The following TBC1D17 variants were observed in gnomAD, a reference collection of about 807,000 sequenced individuals.
The protein encoded by TBC1D17 is TBC1 domain family member 17, also known as TBC1 domain family, member 17.
Under a neutral mutation model 78.8 loss-of-function variants are expected in TBC1D17, and 69 were observed. That is an observed-to-expected ratio of 0.88 (90% confidence interval 0.72 to 1.07). TBC1D17 has a LOEUF of 1.07. Ranked by LOEUF, TBC1D17 falls within the 50% of genes least tolerant of loss-of-function variation. TBC1D17 has a pLI of 0.00. For synonymous variants in TBC1D17, 456 were observed against 358.3 expected (o/e 1.27, Z -3.08); for missense variants, 957 against 861.0 (o/e 1.11, Z -1.39).
chr19:49,881,572 T>G (rs1046077295), intron 5 of TBC1D17, 97 bp downstream of exon 5: 3 of 1,210,160 alleles, frequency 2.5e-6, no homozygotes, highest in Non-Finnish European at 2.3e-6. Flanking sequence ...CAACTCACAC[T>G]GATTTAAAGG....
At chr19:49,877,879 G>T in intron 1 of TBC1D17, 135 bp downstream of exon 1, 2 of 1,128,848 alleles carry the variant, frequency 1.8e-6, no homozygotes, top group Non-Finnish European at 1.2e-6. Flanking sequence ...TAAACGCGCC[G>T]TCACCCTCCC....
intron 9 of TBC1D17, 144 bp from the exon 10 acceptor site, chr19:49,883,507 C>T: frequency 1.5e-6 from 1 of 650,576 alleles, no homozygotes. Context: ...GGGATAGTGG[C>T]AAGAATGACG....
intron 4 of TBC1D17, among the ~76,000 whole-genome samples, chr19:49,880,632 C>G (rs1337397138): frequency 2.6e-5 from 4 of 152,216 alleles, no homozygotes; most frequent in African/African-American, 9.6e-5. Flanking sequence ...ACTGGGCTCC[C>G]GGATTGGCTG....
chr19:49,877,965 T>C, intron 1 of TBC1D17, 178 bp from the exon 2 acceptor site: 1 of 669,306 alleles, frequency 1.5e-6, no homozygotes, highest in South Asian at 2.0e-5. Flanking sequence ...CTGCCCCCTG[T>C]GGAACGCACG....
chr19:49,880,448 G>C, intron 4 of TBC1D17, 46 bp downstream of exon 4: 1 of 1,602,732 alleles, frequency 6.2e-7, no homozygotes, highest in Non-Finnish European at 8.5e-7. Context: ...GGGCCAGGTA[G>C]GACACATCTT....
Position 49,880,385 on chromosome 19 carries a change from A to G in TBC1D17, c.302A>G (p.His101Arg). 1 of 1,613,770 alleles carries G rather than the reference A, an allele frequency of 6.2e-7. No homozygotes were observed. The highest frequency in any genetic ancestry group is 1.3e-5 in the African/African-American group (1 of 75,024). The change falls in exon 4 of 17, where the codon CAC becomes CGC. Residue 101 changes from histidine (H) to arginine (R), a missense_variant. His to Arg is a conservative substitution (Grantham distance 29). Transcript: ENST00000221543. ...AGCACTGTGCGGCCACAGCTCTGCC[A>G]CTCAGAGCCCACGAGAGGTAGGCTG... The part of the protein sequence containing the change: ...VISTVRPQLC[H>R]SEPTRGAEPS...
At position 49,888,669 on chromosome 19, in the gene TBC1D17, C is replaced by A. The variant is rs908904958; in HGVS notation, c.*45C>A. The A allele has an allele frequency of 6.7e-7, 1 of 1,485,202 alleles. No individual in the cohort carries two copies. Among genetic ancestry groups the A allele is most frequent in the East Asian group, 2.5e-5 (1 of 40,110 alleles). The allele number at this position is 1,485,202 out of a possible 1,614,324, so 92.0% of individuals were successfully genotyped here. ...TCTGCACAGGCACTTTAGCCCGAGC[C>A]AGGCACACCTGCGAGGGGGCAGGTG... On this transcript the variant is annotated 3_prime_UTR_variant, in exon 17 of 17. Coordinates refer to ENST00000221543, the MANE Select transcript of TBC1D17 (RefSeq NM_024682.3).
chr19:49,880,299 A>G lies in TBC1D17; in HGVS notation c.216A>G (p.Ser72=), dbSNP rs1361893488. The G allele has an allele frequency of 1.2e-6, 2 of 1,613,912 alleles. No individual in the cohort carries two copies. The highest frequency in any genetic ancestry group is 1.7e-5 in the Admixed American group (1 of 60,000). Residue 72 remains serine (S), a synonymous_variant, in exon 4 of 17, where the codon TCA becomes TCG. Transcript: ENST00000221543. ...CTAAGGACTCCAGTGGGGGTGACTC[A>G]TGTGCTTCTGAGGAGGAACCAACCT... is the stretch of plus-strand genomic sequence containing the variant. ...FSKKDSSGGD[S]CASEEEPTFD...
rs374232022 is a variant in TBC1D17 at position 49,883,745 on chromosome 19, G to A, written c.1126G>A (p.Glu376Lys). 1.7e-5 allele frequency: 27 copies of A among 1,613,386 alleles called. No homozygotes were observed. Among genetic ancestry groups the A allele is most frequent in the Admixed American group, 3.3e-5 (2 of 59,988 alleles). Reference protein sequence around the residue: ...SLLHGYRSLIERDVSRTDRTN... With the variant: ...SLLHGYRSLIKRDVSRTDRTN... Reference sequence around the variant, plus strand: ...TCTGCATGGATACCGCAGCCTCATCGGTCAGTGTCAGGGGTGGCACTTAGG... The same window carrying A: ...TCTGCATGGATACCGCAGCCTCATCAGTCAGTGTCAGGGGTGGCACTTAGG... Residue 376 changes from glutamate to lysine, a missense_variant and splice_region_variant, in exon 10 of 17, where the codon GAA (glutamate) becomes AAA (lysine). Glu to Lys is a moderately conservative substitution (Grantham distance 56). Coordinates refer to ENST00000221543, the MANE Select transcript of TBC1D17 (RefSeq NM_024682.3).
At position 49,881,254 on chromosome 19, in the gene TBC1D17, T is replaced by A; in HGVS notation, c.320-14T>A. On this transcript the variant is annotated splice_polypyrimidine_tract_variant and intron_variant, in intron 4 of 16. Coordinates refer to ENST00000221543, the MANE Select transcript of TBC1D17 (RefSeq NM_024682.3). ...TTCCCACGCGCTTCCCCCAACACAG[T>A]GCCGTCTCCCTAGGTGCAGAGCCCA... The A allele has an allele frequency of 6.2e-7, 1 of 1,609,128 alleles. No homozygotes were observed. Among genetic ancestry groups the A allele is most frequent in the Non-Finnish European group, 8.5e-7 (1 of 1,177,262 alleles).
In TBC1D17 at chr19:49,884,757, G is replaced by C. The variant is rs1340733496; in HGVS notation, c.1443G>C (p.Leu481=). The C allele has an allele frequency of 1.2e-6, 2 of 1,613,566 alleles. No homozygotes were observed. Among genetic ancestry groups the C allele is most frequent in the Non-Finnish European group, 1.7e-6 (2 of 1,179,938 alleles). ...TGGACCCCCTGCTCTGCGACTTCCT[G>C]GGTATGTCTCTCGGGAGGGTGGGCA... ...RVLDPLLCDF[L]DSQDSGSLCF... is the part of the protein sequence containing the mutation. The change falls in exon 13 of 17, where the codon CTG becomes CTC. Residue 481 remains leucine (L), a splice_region_variant and synonymous_variant. Transcript: ENST00000221543.
In TBC1D17 at chr19:49,882,092, T is replaced by G; in HGVS notation, c.579T>G (p.Ala193=). Reference sequence around the variant, plus strand: ...TTGTCTTCCCCCACGACTCCTCTGCTCTCTCCAACTCCTTCCACCACCTGC... The same window carrying G: ...TTGTCTTCCCCCACGACTCCTCTGCGCTCTCCAACTCCTTCCACCACCTGC... ...LYLVFPHDSS[A]LSNSFHHLQL... Residue 193 remains alanine (A), a synonymous_variant, in exon 6 of 17, where the codon GCT becomes GCG. Coordinates refer to ENST00000221543, the MANE Select transcript of TBC1D17 (RefSeq NM_024682.3). 1 of 1,614,040 alleles carries G rather than the reference T, an allele frequency of 6.2e-7. No homozygotes were observed. Among genetic ancestry groups the G allele is most frequent in the Non-Finnish European group, 8.5e-7 (1 of 1,179,994 alleles).
In TBC1D17 at chr19:49,888,329, T is replaced by C; in HGVS notation, c.1746+12T>C. The C allele has an allele frequency of 6.4e-7, 1 of 1,558,438 alleles. No homozygotes were observed. Among genetic ancestry groups the C allele is most frequent in the South Asian group, 1.2e-5 (1 of 84,816 alleles). Reference sequence around the variant, plus strand: ...TAACCGCCTGCCCCGTGAGTCCCCGTCCGCCCCGCAGCGCCCCGCCCGAAC... The same window carrying C: ...TAACCGCCTGCCCCGTGAGTCCCCGCCCGCCCCGCAGCGCCCCGCCCGAAC... On this transcript the variant is annotated intron_variant, in intron 16 of 16. Coordinates refer to ENST00000221543, the MANE Select transcript of TBC1D17 (RefSeq NM_024682.3).
intron 13 of TBC1D17, 83 bp downstream of exon 13, chr19:49,884,841 T>C (rs1473697596): frequency 8.3e-6 from 10 of 1,211,836 alleles, no homozygotes; most frequent in South Asian, 1.2e-5. Flanking sequence ...AGTGGCATCC[T>C]GGACATTGGG....
chr19:49,880,440 G>T, intron 4 of TBC1D17, 38 bp downstream of exon 4: 1 of 1,609,004 alleles, frequency 6.2e-7, no homozygotes, highest in Non-Finnish European at 8.5e-7. Context: ...GCACGTGTGG[G>T]CCAGGTAGGA....
chr19:49,887,186 G>T (rs915004100), intron 13 of TBC1D17: 2 of 436,204 alleles, frequency 4.6e-6, no homozygotes, highest in Non-Finnish European at 4.3e-6. Flanking sequence ...AGTTCCCTTA[G>T]CGCTCACCAG....
rs774159609 is a variant in TBC1D17, at chr19:49,878,160, C to A, written c.39C>A (p.Gly13=). The change falls in exon 2 of 17, where the codon GGC becomes GGA. Residue 13 remains glycine (G), a synonymous_variant. Transcript: ENST00000221543. ...GAGYRVVFEK[G]GVYLHTSAKK... ...CAACTCAGGTGGTGTTTGAGAAGGG[C>A]GGAGTGTACCTGCACACCAGCGCTA... 3 of 1,578,058 alleles carry A rather than the reference C, an allele frequency of 1.9e-6. No individual in the cohort carries two copies. Among genetic ancestry groups the A allele is most frequent in the Non-Finnish European group, 8.6e-7 (1 of 1,162,386 alleles).
Position 49,882,060 on chromosome 19 carries a change from CTCTACCTTGTCT to C in TBC1D17, c.550_561del (p.Tyr184_Phe187del), listed in dbSNP as rs752286772. On this transcript the variant is annotated inframe_deletion, in exon 6 of 17. Transcript: ENST00000221543. ...TCCCAGCTCCCCGCAGGACTCCCGC[CTCTACCTTGTCT>C]TCCCCCACGACTCCTCTGCTCTCTC... The C allele has an allele frequency of 1.2e-6, 2 of 1,613,992 alleles. No individual in the cohort carries two copies. The highest frequency in any genetic ancestry group is 1.7e-6 in the Non-Finnish European group (2 of 1,180,016).
chr19:49,884,707 C>G lies in TBC1D17; in HGVS notation c.1393C>G (p.Arg465Gly). Residue 465 changes from arginine (R) to glycine (G), a missense_variant, in exon 13 of 17, where the codon CGA (arginine) becomes GGA (glycine). Arg to Gly is a moderately radical substitution (Grantham distance 125, BLOSUM62 -2). Coordinates refer to ENST00000221543, the MANE Select transcript of TBC1D17 (RefSeq NM_024682.3). ...SQETMKRQLGRLLLLLRVLDP... is the reference protein window; with the variant it reads ...SQETMKRQLGGLLLLLRVLDP... ...GGAGACCATGAAGCGGCAACTCGGG[C>G]GACTGCTGCTGCTCCTGAGGGTGCT... 6.2e-7 allele frequency: 1 copy of G among 1,614,076 alleles called. No individual in the cohort carries two copies. Among genetic ancestry groups the G allele is most frequent in the South Asian group, 1.1e-5 (1 of 91,078 alleles).
Sources: gnomAD v4.1 joint callset for allele counts (sites outside exome capture counted in the v4.1 genomes callset) on GRCh38, gnomAD v4.1.1 for gene constraint, MANE v1.5 for transcripts, NCBI Gene and HGNC (gene_info 2026-07-23, HGNC 2026-07-21) for gene names.